LRIG1: variants seen among roughly 807,000 people sequenced by gnomAD.
LRIG1 encodes the protein leucine rich repeats and immunoglobulin like domains 1, also known as leucine-rich repeats and immunoglobulin-like domains protein 1.
A neutral mutation model predicts 99.2 loss-of-function variants in LRIG1; 48 were observed. The ratio of observed to expected loss-of-function variants is 0.48; its 90% CI spans 0.38 to 0.62. The LOEUF is 0.62. Among genes scored for constraint, LRIG1 ranks in the 20% least tolerant of loss-of-function variants. The pLI, the probability that LRIG1 is intolerant of heterozygous loss-of-function variation, is 0.00. For synonymous variants in LRIG1, 772 were observed against 596.1 expected (o/e 1.29, Z -4.30); for missense variants, 1,646 against 1,434.4 (o/e 1.15, Z -2.38).
chr3:66,407,835 T>C (rs1702330043), intron 7 of LRIG1, among the ~76,000 whole-genome samples: 1 of 152,342 alleles, frequency 6.6e-6, no homozygotes, highest in East Asian at 1.9e-4. Context: ...AGGCAGCTCC[T>C]GATTCAGGCT....
chr3:66,476,644 C>G (rs1249831232), intron 1 of LRIG1, among the ~76,000 whole-genome samples: 1 of 152,186 alleles, frequency 6.6e-6, no homozygotes, highest in Non-Finnish European at 1.5e-5. Context: ...AATCAAAGCA[C>G]TAGAAAAAGA....
intron 1 of LRIG1, among the ~76,000 whole-genome samples, chr3:66,491,390 A>G (rs1312431495): frequency 6.6e-6 from 1 of 152,218 alleles, no homozygotes; most frequent in Non-Finnish European, 1.5e-5. Flanking sequence ...CTATGTGGAG[A>G]AAGTGGAAGG....
intron 17 of LRIG1, 25 bp downstream of exon 17, chr3:66,381,454 A>C: frequency 1.3e-6 from 2 of 1,596,832 alleles, no homozygotes; most frequent in Non-Finnish European, 1.7e-6. Flanking sequence ...GAAAGAAACT[A>C]CTTCCAATGG....
chr3:66,383,246 G>A lies in LRIG1; in HGVS notation c.2227C>T (p.Pro743Ser). Residue 743 changes from proline to serine, a missense_variant, in exon 15 of 19, where the codon CCT becomes TCT. Pro to Ser is a moderately conservative substitution (Grantham distance 74). Transcript: ENST00000273261. ...TGAACCACCAGGAGCTGGTTGTCAG[G>A]GGTCAAGTGGTGCCGCTCAGTGAGG... is the stretch of plus-strand genomic sequence containing the variant. The part of the protein sequence containing the change: ...LSLTERHHLT[P>S]DNQLLVVQNV... The A allele has an allele frequency of 6.2e-7, 1 of 1,614,204 alleles. No homozygotes were observed. The highest frequency in any genetic ancestry group is 1.1e-5 in the South Asian group (1 of 91,088).
intron 1 of LRIG1, among the ~76,000 whole-genome samples, chr3:66,478,732 G>A (rs1341485399): frequency 1.3e-5 from 2 of 152,098 alleles, no homozygotes; most frequent in South Asian, 2.1e-4. Flanking sequence ...TCCACTGTAC[G>A]GGTCAGCTTT....
At chr3:66,424,665 G>A (rs1702922124) in intron 3 of LRIG1, among the ~76,000 whole-genome samples, 1 of 152,144 alleles carries the variant, frequency 6.6e-6, no homozygotes, top group African/African-American at 2.4e-5. Flanking sequence ...AAGCATCAAT[G>A]CCATCACACA....
intron 1 of LRIG1, among the ~76,000 whole-genome samples, chr3:66,465,073 T>C (rs1165789450): frequency 6.6e-6 from 1 of 152,126 alleles, no homozygotes; most frequent in Non-Finnish European, 1.5e-5. Flanking sequence ...AGTGTTAGGG[T>C]GCTACCCAGA....
Position 66,500,484 on chromosome 3 carries a change from C to T in LRIG1, c.-77G>A. ...ACGGCCGCAGACGCGGGCGGGCCCG[C>T]GGGGCGCTCCGCTCGGCTCTAGACT... On this transcript the variant is annotated 5_prime_UTR_variant, in exon 1 of 19. Transcript: ENST00000273261. 3.7e-6 allele frequency: 3 copies of T among 819,808 alleles called. No homozygotes were observed. Among genetic ancestry groups the T allele is most frequent in the Non-Finnish European group, 1.7e-6 (1 of 590,046 alleles). The allele number at this position is 819,808 out of a possible 1,614,324, so 50.8% of individuals were successfully genotyped here. A position where few individuals can be genotyped will look rare whatever the true frequency, so the allele number is the denominator to read the frequency against.
In LRIG1 at chr3:66,410,186, T is replaced by C. The variant is rs1702420128; in HGVS notation, c.878A>G (p.Asn293Ser). Residue 293 changes from asparagine (N) to serine (S), a missense_variant, in exon 7 of 19, where the codon AAT (asparagine) becomes AGT (serine). Physicochemically the swap from Asn to Ser is conservative, Grantham distance 46. Transcript: ENST00000273261. ...TALHQLHLSN[N>S]SIARIHRKGW... ...CTTGCGGTGAATGCGAGCGATGGAA[T>C]TGTTGCTGAGGTGGAGCTGATGCAG... 2.5e-6 allele frequency: 4 copies of C among 1,614,076 alleles called. No individual in the cohort carries two copies. The highest frequency in any genetic ancestry group is 1.7e-5 in the Admixed American group (1 of 60,010).
intron 1 of LRIG1, among the ~76,000 whole-genome samples, chr3:66,469,430 C>A (rs1334728861): frequency 6.6e-6 from 1 of 152,146 alleles, no homozygotes; most frequent in African/African-American, 2.4e-5. Flanking sequence ...TATATATGGA[C>A]CCAGACTCAT....
At chr3:66,436,666 C>G (rs185059409) in intron 3 of LRIG1, among the ~76,000 whole-genome samples, 43 of 140,472 alleles carry the variant, frequency 3.1e-4, no homozygotes, top group African/African-American at 1.4e-3. Context: ...ACAGGAAGAA[C>G]TGAAGAGGAG....
intron 7 of LRIG1, 43 bp downstream of exon 7, chr3:66,410,086 G>A (rs368698092): frequency 9.6e-6 from 15 of 1,569,492 alleles, no homozygotes; most frequent in Non-Finnish European, 1.2e-5. Flanking sequence ...CCTCCAAGCA[G>A]TGTCTAAAAA....
chr3:66,457,566 T>C (rs7647701), intron 2 of LRIG1, among the ~76,000 whole-genome samples: 7,530 of 152,248 alleles, frequency 0.049, 542 homozygotes, highest in African/African-American at 0.16. Flanking sequence ...TAATATTCAG[T>C]GAGCCTCTCG....
intron 1 of LRIG1, among the ~76,000 whole-genome samples, chr3:66,465,769 T>C (rs867494294): frequency 6.6e-6 from 1 of 152,172 alleles, no homozygotes; most frequent in Non-Finnish European, 1.5e-5. Context: ...CTTCACACTG[T>C]TGTGCAACCA....
rs1200871828 is a variant in LRIG1 at position 66,383,170 on chromosome 3, G to A, written c.2303C>T (p.Thr768Ile). Residue 768 changes from threonine to isoleucine, a missense_variant, in exon 15 of 19, where the codon ACC (threonine) becomes ATC (isoleucine). Physicochemically the swap from Thr to Ile is moderately conservative, Grantham distance 89. Transcript: ENST00000273261. ...AGRYTCEMSNTLGTERAHSQL... is the reference protein window; with the variant it reads ...AGRYTCEMSNILGTERAHSQL... ...GCTGTGAGCTCGCTCCGTGCCCAGG[G>A]TGTTGGACATCTCACAGGTATATCG... 3 of 1,614,252 alleles carry A rather than the reference G, an allele frequency of 1.9e-6. No individual in the cohort carries two copies. The highest frequency in any genetic ancestry group is 1.7e-6 in the Non-Finnish European group (2 of 1,180,052).
Position 66,410,230 on chromosome 3 carries a change from C to A in LRIG1, c.834G>T (p.Ser278=). ...GATGCAGGGCCGTGAGGCCGTAGAG[C>A]GAGCCGCTGTTCACTTCTACCAGGC... ...YNSLVEVNSG[S]LYGLTALHQL... The change falls in exon 7 of 19, where the codon TCG becomes TCT. Residue 278 remains serine (S), a synonymous_variant. Coordinates refer to ENST00000273261, the MANE Select transcript of LRIG1 (RefSeq NM_015541.3). 6.2e-7 allele frequency: 1 copy of A among 1,613,688 alleles called. No homozygotes were observed.
chr3:66,465,009 A>C (rs550754095), intron 1 of LRIG1, among the ~76,000 whole-genome samples: 136 of 152,280 alleles, frequency 8.9e-4, no homozygotes, highest in African/African-American at 3.2e-3. Context: ...TGGAAACGTT[A>C]AGTTTTCACG....
chr3:66,477,572 AC>A (rs1700750692), intron 1 of LRIG1, among the ~76,000 whole-genome samples: 1 of 152,186 alleles, frequency 6.6e-6, no homozygotes, highest in Admixed American at 6.5e-5. Flanking sequence ...AACTGTCTGG[AC>A]TTCAGACCAA....
chr3:66,383,438 G>T (rs1465383964), intron 14 of LRIG1, 37 bp from the exon 15 acceptor site: 1 of 1,502,378 alleles, frequency 6.7e-7, no homozygotes, highest in Non-Finnish European at 8.9e-7. Context: ...TCATTCTCAG[G>T]GCCTCCGTTG....
Sources: allele counts gnomAD v4.1 joint callset (sites outside exome capture counted in the v4.1 genomes callset), GRCh38; gene constraint gnomAD v4.1.1; transcripts MANE v1.5; gene names NCBI Gene and HGNC (gene_info 2026-07-23, HGNC 2026-07-21).